SEPTIN10: variants seen among roughly 807,000 people sequenced by gnomAD.
SEPTIN10 encodes the protein septin 10.
Under a neutral mutation model 54.8 loss-of-function variants are expected in SEPTIN10, and 66 were observed. The ratio of observed to expected loss-of-function variants is 1.21; its 90% CI spans 0.99 to 1.48. The LOEUF is 1.48. Among genes scored for constraint, SEPTIN10 ranks in the 40% most tolerant of loss-of-function variants. The pLI, the probability that SEPTIN10 is intolerant of heterozygous loss-of-function variation, is 0.00. For missense variants in SEPTIN10, 620 were observed against 545.6 expected, an observed-to-expected ratio of 1.14 and a Z score of -1.36; for synonymous variants, 161 against 181.0, an observed-to-expected ratio of 0.89 and a Z score of 0.89.
intron 10 of SEPTIN10, chr2:109,545,287 G>GGGGGGA: frequency 7.0e-7 from 1 of 1,425,166 alleles, no homozygotes. Context: ...ACTTAAGTGG[G>GGGGGGA]AGAAATAAAA....
intron 9 of SEPTIN10, among the ~76,000 whole-genome samples, chr2:109,550,507 T>G (rs1682658017): frequency 1.3e-5 from 2 of 151,528 alleles, no homozygotes; most frequent in Non-Finnish European, 2.9e-5. Context: ...AGAGATGGGG[T>G]TTCACCATAT....
intron 1 of SEPTIN10, among the ~76,000 whole-genome samples, chr2:109,603,914 C>G (rs1467655381): frequency 6.6e-6 from 1 of 151,968 alleles, no homozygotes; most frequent in Non-Finnish European, 1.5e-5. Flanking sequence ...GTAATCCCAG[C>G]ACTTTGGGAG....
rs1199162346 is a variant in SEPTIN10 at position 109,546,314 on chromosome 2, G to C, written c.1162-77C>G. The C allele has an allele frequency of 5.4e-6, 5 of 928,298 alleles. No homozygotes were observed. The African/African-American group carries it at 8.5e-5, about 16-fold the overall frequency. 57.5% of individuals were successfully genotyped at this position (928,298 alleles called of 1,614,324 possible). A position where few individuals can be genotyped will look rare whatever the true frequency, so the allele number is the denominator to read the frequency against. ...ACGCTCTCCAGCTCAGCAACACAAA[G>C]GCGGACCCCATAGCGCAACACAGAA... On this transcript the variant is annotated intron_variant, in intron 9 of 10. Transcript: ENST00000397712.
chr2:109,552,799 A>C, intron 9 of SEPTIN10: 1 of 296,316 alleles, frequency 3.4e-6, no homozygotes, highest in Non-Finnish European at 6.2e-6. Flanking sequence ...TGAAAGAAAA[A>C]TGTGTGCACC....
chr2:109,588,099 T>C (rs1693003858), intron 2 of SEPTIN10, among the ~76,000 whole-genome samples: 3 of 150,820 alleles, frequency 2.0e-5, no homozygotes, highest in South Asian at 4.2e-4. Flanking sequence ...CCCTATAAAA[T>C]GCCCCCCGCC....
chr2:109,603,208 T>C (rs1697047299), intron 1 of SEPTIN10, among the ~76,000 whole-genome samples: 2 of 152,130 alleles, frequency 1.3e-5, no homozygotes, highest in African/African-American at 4.8e-5. Context: ...TCCACAAATG[T>C]ACATAATGTT....
chr2:109,591,412 C>T (rs1411088895), intron 2 of SEPTIN10, among the ~76,000 whole-genome samples: 1 of 152,158 alleles, frequency 6.6e-6, no homozygotes, highest in Admixed American at 6.5e-5. Flanking sequence ...AACCAAGCAA[C>T]AGCCACTGGA....
At chr2:109,562,478 A>G (rs931020205) in intron 8 of SEPTIN10, among the ~76,000 whole-genome samples, 4 of 151,878 alleles carry the variant, frequency 2.6e-5, no homozygotes, top group Non-Finnish European at 5.9e-5. Context: ...ACATACACCC[A>G]ATGACTAGCA....
intron 8 of SEPTIN10, among the ~76,000 whole-genome samples, chr2:109,562,218 T>A (rs949338808): frequency 4.4e-5 from 5 of 114,236 alleles, no homozygotes; most frequent in South Asian, 2.4e-4. Flanking sequence ...ATCTCAAAAA[T>A]AATAATAATA....
At chr2:109,597,348 T>C (rs550902722) in intron 1 of SEPTIN10, among the ~76,000 whole-genome samples, 12 of 152,216 alleles carry the variant, frequency 7.9e-5, no homozygotes, top group Admixed American at 2.6e-4. Flanking sequence ...AACACTAAAT[T>C]AGAAAAAAAT....
At chr2:109,572,647 C>T (rs1688684331) in intron 5 of SEPTIN10, among the ~76,000 whole-genome samples, 1 of 136,904 alleles carries the variant, frequency 7.3e-6, no homozygotes, top group African/African-American at 2.7e-5. Flanking sequence ...GACGGAGTCT[C>T]GCTCTGTCGC....
At chr2:109,609,657 A>G (rs1321045409) in intron 1 of SEPTIN10, among the ~76,000 whole-genome samples, 1 of 151,908 alleles carries the variant, frequency 6.6e-6, no homozygotes, top group Non-Finnish European at 1.5e-5. Context: ...ATTAAGAATC[A>G]CAACTTCAAG....
intron 9 of SEPTIN10, among the ~76,000 whole-genome samples, chr2:109,550,298 A>C (rs1027684602): frequency 1.3e-4 from 20 of 150,224 alleles, no homozygotes; most frequent in Non-Finnish European, 2.7e-4. Context: ...CTCAAAAAAC[A>C]AAAAAAAAGT....
chr2:109,584,990 T>C (rs1225025554), intron 4 of SEPTIN10, 136 bp downstream of exon 4: 3 of 432,542 alleles, frequency 6.9e-6, no homozygotes, highest in African/African-American at 2.0e-5. Flanking sequence ...TGTTTAATTA[T>C]TTTATTTTTA....
chr2:109,610,129 G>A (rs544602618), intron 1 of SEPTIN10, among the ~76,000 whole-genome samples: 2 of 148,532 alleles, frequency 1.3e-5, no homozygotes, highest in Admixed American at 6.7e-5. Context: ...TCACTCTGTC[G>A]CCAGGCTGGA....
At chr2:109,568,017 T>C in intron 5 of SEPTIN10, 41 bp from the exon 6 acceptor site, 1 of 1,462,642 alleles carries the variant, frequency 6.8e-7, no homozygotes, top group Non-Finnish European at 9.2e-7. Flanking sequence ...CTGAGGATTT[T>C]TTTTTTTAAT....
chr2:109,613,852 G>C lies in SEPTIN10; in HGVS notation c.-25C>G. On this transcript the variant is annotated 5_prime_UTR_variant, in exon 1 of 11. Transcript: ENST00000397712. ...TGGTCGCGGGCAGGGGCACGGTGAA[G>C]CGGCTGTATCAGCCCGGCCCCGAGC... is the stretch of plus-strand genomic sequence containing the variant. 1.6e-6 allele frequency: 2 copies of C among 1,236,376 alleles called. No homozygotes were observed. Among genetic ancestry groups the C allele is most frequent in the Non-Finnish European group, 2.0e-6 (2 of 991,550 alleles). 76.6% of individuals were successfully genotyped at this position (1,236,376 alleles called of 1,614,324 possible). A position where few individuals can be genotyped will look rare whatever the true frequency, so the allele number is the denominator to read the frequency against.
rs772413149 is a variant in SEPTIN10, at chr2:109,567,969, A to G, written c.608T>C (p.Ile203Thr). 1 of 1,591,566 alleles carries G rather than the reference A, an allele frequency of 6.3e-7. No individual in the cohort carries two copies. Among genetic ancestry groups the G allele is most frequent in the South Asian group, 1.1e-5 (1 of 87,372 alleles). The change falls in exon 6 of 11, where the codon ATT becomes ACT. Residue 203 changes from isoleucine to threonine, a missense_variant. Coordinates refer to ENST00000397712, the MANE Select transcript of SEPTIN10 (RefSeq NM_144710.5). ...ATCTGCTTTGGCAATCACTGGTATA[A>G]TGTTTACCTATTAAGAATAAAGAAA... ...TMKNLDSKVN[I>T]IPVIAKADTV...
At chr2:109,588,731 T>C (rs1693195485) in intron 2 of SEPTIN10, among the ~76,000 whole-genome samples, 1 of 151,612 alleles carries the variant, frequency 6.6e-6, no homozygotes. Context: ...CCTCAGGTGA[T>C]CCACTTGCCT....
Sources: allele counts gnomAD v4.1 joint callset (sites outside exome capture counted in the v4.1 genomes callset), GRCh38; gene constraint gnomAD v4.1.1; transcripts MANE v1.5; gene names NCBI Gene and HGNC (gene_info 2026-07-23, HGNC 2026-07-21).